Variants in PCDHA1 observed in about 807,000 individuals in gnomAD.
PCDHA1 encodes the protein protocadherin alpha-1.
PCDHA1 carries 42 observed loss-of-function variants against 61.3 expected under a neutral mutation model. The observed-to-expected ratio is 0.69, with a 90% CI of 0.54 to 0.89. PCDHA1 has a LOEUF of 0.89. Ranked by LOEUF, PCDHA1 falls within the 40% of genes least tolerant of loss-of-function variation. The pLI is 0.00. For synonymous variants in PCDHA1, 610 were observed against 553.8 expected (o/e 1.10, Z -1.43); for missense variants, 1,256 against 1,235.3 (o/e 1.02, Z -0.25).
At chr5:140,870,634 G>A (rs782716769) in intron 1 of PCDHA1, 49 of 1,612,744 alleles carry the variant, frequency 3.0e-5, no homozygotes, top group Non-Finnish European at 3.9e-5. Context: ...GTCGGTGCAC[G>A]CGGAGAGCGG....
intron 1 of PCDHA1, chr5:140,809,314 C>G (rs1333425784): frequency 2.5e-6 from 4 of 1,613,982 alleles, no homozygotes; most frequent in African/African-American, 2.7e-5. Context: ...CGGTGTCCAG[C>G]CTTTTGGTGC....
chr5:140,836,323 T>G (rs1408397134), intron 1 of PCDHA1: 1 of 1,613,592 alleles, frequency 6.2e-7, no homozygotes, highest in East Asian at 2.2e-5. Flanking sequence ...CGCCACCGCC[T>G]TCTGGTGCTT....
chr5:140,951,707 G>A (rs1162162711), intron 1 of PCDHA1, among the ~76,000 whole-genome samples: 6 of 152,076 alleles, frequency 3.9e-5, no homozygotes, highest in African/African-American at 1.4e-4. Flanking sequence ...TTTGGGCGGG[G>A]ACACAGATCC....
At chr5:140,987,223 A>C (rs1269747690) in intron 3 of PCDHA1, among the ~76,000 whole-genome samples, 1 of 151,456 alleles carries the variant, frequency 6.6e-6, no homozygotes, top group African/African-American at 2.4e-5. Flanking sequence ...CAAAAAAAAA[A>C]AAAATAATAA....
At chr5:140,798,607 T>C (rs782699606) in intron 1 of PCDHA1, among the ~76,000 whole-genome samples, 7 of 152,202 alleles carry the variant, frequency 4.6e-5, no homozygotes, top group Non-Finnish European at 8.8e-5. Flanking sequence ...TCTAATTCTA[T>C]GCGTGGGAAT....
chr5:140,827,196 A>C (rs2150146637), intron 1 of PCDHA1, among the ~76,000 whole-genome samples: 11 of 152,334 alleles, frequency 7.2e-5, no homozygotes, highest in Non-Finnish European at 1.3e-4. Context: ...AAAACTTGGA[A>C]GTGAGTGAGA....
chr5:140,973,556 C>A lies in PCDHA1; in HGVS notation c.2395-5393C>A, dbSNP rs993191449. Among the ~76,000 whole-genome samples the A allele has an allele frequency of 3.9e-5, 6 of 152,336 alleles. 1 individual carries two copies. In the South Asian group the frequency reaches 1.2e-3, roughly 32 times the overall value. ...ATACAATAATTTATTTCAATTACCT[C>A]TTTCCTCAATTTTTCTACAGACTGC... On this transcript the variant is annotated intron_variant, in intron 1 of 3. Coordinates refer to ENST00000504120, the MANE Select transcript of PCDHA1 (RefSeq NM_018900.4).
chr5:140,896,540 T>C (rs1372765271), intron 1 of PCDHA1, among the ~76,000 whole-genome samples: 1 of 151,560 alleles, frequency 6.6e-6, no homozygotes, highest in Non-Finnish European at 1.5e-5. Flanking sequence ...ATTTTTCTTT[T>C]TTTTTTTTGT....
chr5:140,877,969 A>G (rs2057419330), intron 1 of PCDHA1: 1 of 1,276,842 alleles, frequency 7.8e-7, no homozygotes, highest in African/African-American at 1.5e-5. Flanking sequence ...TTTCTTGGTC[A>G]TTCTTACTCA....
intron 1 of PCDHA1, among the ~76,000 whole-genome samples, chr5:140,917,013 A>G (rs565656440): frequency 2.6e-4 from 39 of 152,080 alleles, no homozygotes; most frequent in Non-Finnish European, 4.6e-4. Context: ...ATCTCCCTTC[A>G]TGTGCAGCTG....
intron 1 of PCDHA1, among the ~76,000 whole-genome samples, chr5:140,846,373 C>CTTTTTTTTTT (rs374699051): frequency 3.6e-5 from 2 of 55,152 alleles, no homozygotes; most frequent in South Asian, 1.0e-3. Flanking sequence ...TTCTTTCTTT[C>CTTTTTTTTTT]TTTTTTTTTT....
rs1554117498 is a variant in PCDHA1, at chr5:140,786,662, A to G, written c.372A>G (p.Lys124=). The change falls in exon 1 of 4, where the codon AAA becomes AAG. Residue 124 remains lysine (K), a synonymous_variant. Coordinates refer to ENST00000504120, the MANE Select transcript of PCDHA1 (RefSeq NM_018900.4). Reference sequence around the variant, plus strand: ...TTTTCCATGTGGAGGTGAAGGTGAAAGACATTAACGATAATCCACCCGTCT... The same window carrying G: ...TTTTCCATGTGGAGGTGAAGGTGAAGGACATTAACGATAATCCACCCGTCT... ...LQVFHVEVKV[K]DINDNPPVFR... is the part of the protein sequence containing the mutation. 2 of 1,614,240 alleles carry G rather than the reference A, an allele frequency of 1.2e-6. No individual in the cohort carries two copies. Among genetic ancestry groups the G allele is most frequent in the South Asian group, 1.1e-5 (1 of 91,084 alleles).
At chr5:140,953,545 C>A (rs551898012) in intron 1 of PCDHA1, among the ~76,000 whole-genome samples, 1 of 152,204 alleles carries the variant, frequency 6.6e-6, no homozygotes, top group Admixed American at 6.5e-5. Context: ...CATGCTGATT[C>A]TTTTCTCCAA....
intron 1 of PCDHA1, chr5:140,966,879 GC>G: frequency 1.3e-6 from 2 of 1,587,514 alleles, no homozygotes; most frequent in Non-Finnish European, 1.7e-6. Flanking sequence ...CTGCTACCTG[GC>G]CCTGCGGCCT....
chr5:140,916,579 T>C (rs1013124807), intron 1 of PCDHA1, among the ~76,000 whole-genome samples: 14 of 152,176 alleles, frequency 9.2e-5, no homozygotes, highest in Non-Finnish European at 1.6e-4. Context: ...AGAAATGTCA[T>C]CCATGAGCTA....
intron 1 of PCDHA1, chr5:140,852,588 T>A (rs2150519378): frequency 0.079 from 70,028 of 881,224 alleles, 6,599 homozygotes; most frequent in African/African-American, 0.093. Flanking sequence ...TTTTATTTTT[T>A]TTTTTTGTCA....
At chr5:140,922,865 G>A (rs1554201014) in intron 1 of PCDHA1, among the ~76,000 whole-genome samples, 1 of 152,062 alleles carries the variant, frequency 6.6e-6, no homozygotes, top group Non-Finnish European at 1.5e-5. Flanking sequence ...ATAGACAAGG[G>A]GAAAAAATCC....
intron 1 of PCDHA1, chr5:140,865,673 C>A (rs1438550706): frequency 6.6e-6 from 1 of 152,132 alleles, no homozygotes; most frequent in Non-Finnish European, 1.5e-5. Flanking sequence ...ATAACAATTT[C>A]TAAAGTACAT....
At chr5:140,926,301 C>T (rs1554203262) in intron 1 of PCDHA1, 1 of 152,336 alleles carries the variant, frequency 6.6e-6, no homozygotes, top group Non-Finnish European at 1.5e-5. Flanking sequence ...GTCCCGCCCT[C>T]TCCGCCGGAG....
Sources: allele counts gnomAD v4.1 joint callset (sites outside exome capture counted in the v4.1 genomes callset), GRCh38; gene constraint gnomAD v4.1.1; transcripts MANE v1.5; gene names NCBI Gene and HGNC (gene_info 2026-07-23, HGNC 2026-07-21).